Variants in LARS2 observed in about 807,000 individuals in gnomAD.
LARS2 encodes the protein leucine--tRNA ligase, mitochondrial.
Under a neutral mutation model 116.6 loss-of-function variants are expected in LARS2, and 81 were observed. The ratio of observed to expected loss-of-function variants is 0.69; its 90% confidence interval spans 0.58 to 0.84. The LOEUF is 0.84. LARS2 is among the 40% of genes least tolerant of loss of function. The pLI, the probability that LARS2 is intolerant of heterozygous loss-of-function variation, is 0.00. For synonymous variants in LARS2, 396 were observed against 407.2 expected, an observed-to-expected ratio of 0.97 and a Z score of 0.33; for missense variants, 968 against 1,114.5, an observed-to-expected ratio of 0.87 and a Z score of 1.87.
At chr3:45,546,736 C>T (rs1014169216) in intron 21 of LARS2, among the ~76,000 whole-genome samples, 1 of 152,058 alleles carries the variant, frequency 6.6e-6, no homozygotes, top group Non-Finnish European at 1.5e-5. Flanking sequence ...CGGTGAATAC[C>T]CACCTGTGTC....
In LARS2 at chr3:45,460,780, G is replaced by T. The variant is rs555847016; in HGVS notation, c.750+1894G>T. On this transcript the variant is annotated intron_variant, in intron 8 of 21. Transcript: ENST00000645846. Reference sequence around the variant, plus strand: ...CATTGGCATTATGACTCAGCCAAGGGTATATAGTTGAGACCCCCAAAAAGG... The same window carrying T: ...CATTGGCATTATGACTCAGCCAAGGTTATATAGTTGAGACCCCCAAAAAGG... Among the ~76,000 whole-genome samples the T allele has an allele frequency of 5.3e-5, 8 of 152,190 alleles. No homozygotes were observed. In the South Asian group the frequency reaches 1.7e-3, roughly 32 times the overall value.
rs574870925 is a variant in LARS2, at chr3:45,539,943, T to C, written c.2405-1886T>C. ...TTTATATATACAAATAGTTATTAAA[T>C]ACATTAAATTACTATATTTTAAAAT... On this transcript the variant is annotated intron_variant, in intron 20 of 21. Coordinates refer to ENST00000645846, the MANE Select transcript of LARS2 (RefSeq NM_015340.4). Among the ~76,000 whole-genome samples the C allele has an allele frequency of 1.9e-3, 294 of 152,168 alleles. 4 individuals carry two copies. Among genetic ancestry groups the C allele is most frequent in the Non-Finnish European group, 3.9e-3 (265 of 68,032 alleles).
chr3:45,471,475 T>G (rs1361090507), intron 8 of LARS2, among the ~76,000 whole-genome samples: 3 of 152,234 alleles, frequency 2.0e-5, no homozygotes, highest in Non-Finnish European at 4.4e-5. Flanking sequence ...CTGAATATTT[T>G]AAGCAAGGTA....
chr3:45,452,068 C>G (rs1263735114), intron 7 of LARS2, among the ~76,000 whole-genome samples: 4 of 152,062 alleles, frequency 2.6e-5, no homozygotes, highest in Admixed American at 6.5e-5. Context: ...ATTCATTTAT[C>G]AAGTCTAAGT....
At chr3:45,433,106 A>G (rs1241730466) in intron 6 of LARS2, among the ~76,000 whole-genome samples, 1 of 152,010 alleles carries the variant, frequency 6.6e-6, no homozygotes, top group Non-Finnish European at 1.5e-5. Flanking sequence ...TAATTTTTGC[A>G]TAGTATGTCT....
chr3:45,491,824 G>T (rs1423602719), intron 13 of LARS2, 24 bp downstream of exon 13: 1 of 1,605,280 alleles, frequency 6.2e-7, no homozygotes, highest in Non-Finnish European at 8.5e-7. Context: ...TCCCTGCAGT[G>T]GTGACTGTGC....
At position 45,511,330 on chromosome 3, in the gene LARS2, G is replaced by A. The variant is rs1393881512; in HGVS notation, c.1761-1805G>A. Among the ~76,000 whole-genome samples, 9 of 152,304 alleles carry A rather than the reference G, an allele frequency of 5.9e-5. No homozygotes were observed. In the South Asian group the frequency reaches 6.2e-4, roughly 11 times the overall value. ...CCTCCCATGTGGACATCCCCTGAGAGCTCTCACTAAGAAATGGCTACAAGC... is the reference window on the plus strand; with the variant it reads ...CCTCCCATGTGGACATCCCCTGAGAACTCTCACTAAGAAATGGCTACAAGC... On this transcript the variant is annotated intron_variant, in intron 15 of 21. Transcript: ENST00000645846.
intron 1 of LARS2, among the ~76,000 whole-genome samples, 157 bp from the exon 2 acceptor site, chr3:45,391,426 A>C (rs561982863): frequency 6.5e-4 from 99 of 151,558 alleles, no homozygotes; most frequent in African/African-American, 2.0e-3. Flanking sequence ...CGGAGGTTGC[A>C]GTGAGCCGAG....
intron 8 of LARS2, among the ~76,000 whole-genome samples, chr3:45,461,224 C>T (rs984224540): frequency 5.3e-5 from 8 of 150,952 alleles, no homozygotes; most frequent in African/African-American, 2.0e-4. Flanking sequence ...TTAAATGAAC[C>T]AGTTAGAAAT....
At chr3:45,458,958 T>C in intron 8 of LARS2, 72 bp downstream of exon 8, 1 of 1,479,604 alleles carries the variant, frequency 6.8e-7, no homozygotes, top group South Asian at 1.1e-5. Flanking sequence ...CTTCTGGGTA[T>C]GAGAGAGCCT....
At position 45,417,648 on chromosome 3, in the gene LARS2, A is replaced by C. The variant is rs1358174246; in HGVS notation, c.455+75A>C. 6.5e-6 allele frequency: 6 copies of C among 921,536 alleles called. No homozygotes were observed. The East Asian group carries it at 1.5e-4, about 23-fold the overall frequency. 57.1% of individuals were successfully genotyped at this position (921,536 alleles called of 1,614,324 possible). A position where few individuals can be genotyped will look rare whatever the true frequency, so the allele number is the denominator to read the frequency against. ...AAATTTTTTTAACCTGTGCTTAAAAAATAGAAAGCAAAGCAAACAAAACAC... is the reference window on the plus strand; with the variant it reads ...AAATTTTTTTAACCTGTGCTTAAAACATAGAAAGCAAAGCAAACAAAACAC... On this transcript the variant is annotated intron_variant, in intron 5 of 21. Coordinates refer to ENST00000645846, the MANE Select transcript of LARS2 (RefSeq NM_015340.4).
chr3:45,478,634 G>C (rs1017987748), intron 10 of LARS2, among the ~76,000 whole-genome samples: 2 of 152,132 alleles, frequency 1.3e-5, no homozygotes, highest in Non-Finnish European at 2.9e-5. Flanking sequence ...TGTTCCATTT[G>C]AAGGGCTCAT....
intron 11 of LARS2, 34 bp downstream of exon 11, chr3:45,485,830 T>G: frequency 7.4e-7 from 1 of 1,350,316 alleles, no homozygotes; most frequent in Non-Finnish European, 1.1e-6. Context: ...CACAACGGTA[T>G]ATTTTGCAGA....
chr3:45,394,684 T>C lies in LARS2; in HGVS notation c.231T>C (p.Ala77=), dbSNP rs1347637457. The C allele has an allele frequency of 6.2e-7, 1 of 1,603,364 alleles. No homozygotes were observed. The change falls in exon 3 of 22, where the codon GCT becomes GCC. Residue 77 remains alanine (A), a synonymous_variant. Transcript: ENST00000645846. ...AACAGGCCTCCAAAATTTCAGAAGC[T>C]GATGTGAGTATTCTGAGAGATTCTA... ...IKEQASKISE[A]DKSKPKFYVL...
intron 6 of LARS2, among the ~76,000 whole-genome samples, chr3:45,428,160 G>C (rs1255860852): frequency 6.8e-6 from 1 of 147,710 alleles, no homozygotes; most frequent in Middle Eastern, 3.5e-3. Flanking sequence ...CTACATATGT[G>C]TTTGGGTTTT....
intron 10 of LARS2, among the ~76,000 whole-genome samples, chr3:45,477,388 G>A (rs1699633857): frequency 6.6e-6 from 1 of 152,230 alleles, no homozygotes. Context: ...GAGTGCCACT[G>A]TCAGTAATTC....
chr3:45,516,429 C>G (rs1309412979), intron 17 of LARS2, among the ~76,000 whole-genome samples, 153 bp downstream of exon 17: 1 of 152,190 alleles, frequency 6.6e-6, no homozygotes, highest in African/African-American at 2.4e-5. Flanking sequence ...CAGCATCCTG[C>G]ACCACTCTTA....
At chr3:45,474,462 G>A (rs1045478940) in intron 9 of LARS2, 112 bp downstream of exon 9, 2 of 493,114 alleles carry the variant, frequency 4.1e-6, no homozygotes, top group South Asian at 7.8e-5. Context: ...GTCCAAACGT[G>A]TACAATTTTA....
chr3:45,411,518 T>C (rs757727666), intron 4 of LARS2, among the ~76,000 whole-genome samples: 3 of 152,248 alleles, frequency 2.0e-5, no homozygotes, highest in Non-Finnish European at 4.4e-5. Context: ...CAAGAAGATT[T>C]GTGTCTATAT....
Sources: allele counts gnomAD v4.1 joint callset (sites outside exome capture counted in the v4.1 genomes callset), GRCh38; gene constraint gnomAD v4.1.1; transcripts MANE v1.5; gene names NCBI Gene and HGNC (gene_info 2026-07-23, HGNC 2026-07-21).